The following XNDC1N variants were observed in gnomAD, a reference collection of about 807,000 sequenced individuals.
The protein encoded by XNDC1N is XRCC1 N-terminal domain containing 1, N-terminal like.
chr11:71,865,789 GGGGATGTTTCCTTTATATTGTA>G, the XNDC1N span: 1 of 412,570 alleles, frequency 2.4e-6, no homozygotes, highest in African/African-American at 2.2e-5. Context: ...TTTTTGCTGT[GGGGATGTTTCCTTTATATTGTA>G]GGATGTTTAG....
chr11:71,872,218 G>T, the XNDC1N span, among the ~76,000 whole-genome samples: 1 of 152,154 alleles, frequency 6.6e-6, no homozygotes, highest in Non-Finnish European at 1.5e-5. Flanking sequence ...TGTAGCCCCA[G>T]CTGACAGCTT....
the XNDC1N span, among the ~76,000 whole-genome samples, chr11:71,920,201 G>A: frequency 2.0e-5 from 3 of 150,764 alleles, no homozygotes; most frequent in Non-Finnish European, 4.4e-5. Context: ...CTCGTGATCC[G>A]CCCGCCTCAG....
chr11:71,894,843 A>C, the XNDC1N span, among the ~76,000 whole-genome samples: 1 of 152,336 alleles, frequency 6.6e-6, no homozygotes, highest in East Asian at 1.9e-4. Flanking sequence ...ACTATACATA[A>C]TTTTGCTTCA....
the XNDC1N span, among the ~76,000 whole-genome samples, chr11:71,918,421 A>G: frequency 2.0e-5 from 3 of 151,938 alleles, no homozygotes; most frequent in Non-Finnish European, 4.4e-5. Flanking sequence ...AACTGGGACT[A>G]CAGGTGTGCG....
chr11:71,908,699 A>C, the XNDC1N span, among the ~76,000 whole-genome samples: 3 of 152,196 alleles, frequency 2.0e-5, no homozygotes, highest in African/African-American at 7.2e-5. Flanking sequence ...GATTTGCTCC[A>C]AGCTGTTATC....
At chr11:71,866,774 A>G in the XNDC1N span, among the ~76,000 whole-genome samples, 5 of 152,024 alleles carry the variant, frequency 3.3e-5, no homozygotes, top group Non-Finnish European at 4.4e-5. Context: ...AAAAAAAAAA[A>G]AGACAAAGGC....
At chr11:71,920,741 T>G in the XNDC1N span, among the ~76,000 whole-genome samples, 1 of 152,234 alleles carries the variant, frequency 6.6e-6, no homozygotes, top group Admixed American at 6.5e-5. Flanking sequence ...ATAGTGATAT[T>G]GAATATAAAT....
At chr11:71,902,134 C>T in the XNDC1N span, among the ~76,000 whole-genome samples, 2 of 152,160 alleles carry the variant, frequency 1.3e-5, no homozygotes, top group Admixed American at 1.3e-4. Context: ...TGAATTGACA[C>T]TTCCTTGCTT....
At chr11:71,866,056 C>A in the XNDC1N span, among the ~76,000 whole-genome samples, 7 of 151,948 alleles carry the variant, frequency 4.6e-5, no homozygotes, top group African/African-American at 2.4e-5. Flanking sequence ...GACAGCTTCA[C>A]GTATAAAATA....
chr11:71,905,273 A>G, the XNDC1N span, among the ~76,000 whole-genome samples: 3 of 152,026 alleles, frequency 2.0e-5, no homozygotes, highest in African/African-American at 7.3e-5. Flanking sequence ...GATATTCCGA[A>G]TGCTATCACA....
the XNDC1N span, among the ~76,000 whole-genome samples, chr11:71,911,161 C>T: frequency 1.5e-4 from 23 of 152,344 alleles, no homozygotes; most frequent in African/African-American, 5.5e-4. Flanking sequence ...AATAAGTTGA[C>T]TGTTGGGCAA....
the XNDC1N span, among the ~76,000 whole-genome samples, chr11:71,873,024 T>G: frequency 6.6e-6 from 1 of 152,166 alleles, no homozygotes; most frequent in Non-Finnish European, 1.5e-5. Flanking sequence ...TTCCTAAGAC[T>G]CAACTAATAT....
chr11:71,872,056 A>G, the XNDC1N span, among the ~76,000 whole-genome samples: 1 of 152,226 alleles, frequency 6.6e-6, no homozygotes, highest in Admixed American at 6.5e-5. Context: ...AATGTACTAT[A>G]TCTATACGGA....
At chr11:71,913,438 A>G in the XNDC1N span, among the ~76,000 whole-genome samples, 3 of 152,216 alleles carry the variant, frequency 2.0e-5, no homozygotes, top group African/African-American at 7.2e-5. Context: ...AGGCTAGTGG[A>G]TCACAAGGTC....
chr11:71,918,836 T>C, the XNDC1N span: 13 of 698,302 alleles, frequency 1.9e-5, no homozygotes, highest in South Asian at 1.2e-4. Flanking sequence ...TAGAGGGGAC[T>C]GTCATTCCTG....
chr11:71,927,326 G>C, the XNDC1N span, among the ~76,000 whole-genome samples: 1 of 152,068 alleles, frequency 6.6e-6, no homozygotes, highest in African/African-American at 2.4e-5. Flanking sequence ...TTAAGGTCAG[G>C]AGTTCGAGAC....
At chr11:71,865,769 CA>C in the XNDC1N span, 2 of 395,782 alleles carry the variant, frequency 5.1e-6, no homozygotes, top group South Asian at 1.9e-5. Flanking sequence ...TTGAGAAGAA[CA>C]GTTTTTTTTT....
the XNDC1N span, among the ~76,000 whole-genome samples, chr11:71,908,244 A>G: frequency 1.3e-5 from 2 of 151,242 alleles, no homozygotes; most frequent in African/African-American, 4.8e-5. Context: ...GATTATTAAT[A>G]TTAATAATTA....
the XNDC1N span, chr11:71,919,139 T>C: frequency 3.2e-6 from 2 of 633,788 alleles, no homozygotes; most frequent in East Asian, 2.7e-5. Context: ...CCTAACATGA[T>C]AGAAAAGGCA....
Sources: allele counts gnomAD v4.1 joint callset (sites outside exome capture counted in the v4.1 genomes callset), GRCh38; gene constraint gnomAD v4.1.1; transcripts MANE v1.5; gene names NCBI Gene and HGNC (gene_info 2026-07-23, HGNC 2026-07-21).